The following TNR variants were observed in gnomAD, a reference collection of about 807,000 sequenced individuals.
TNR encodes the protein tenascin-R.
A neutral mutation model predicts 150.4 loss-of-function variants in TNR; 45 were observed. The ratio of observed to expected loss-of-function variants is 0.30; its 90% CI spans 0.24 to 0.38. The LOEUF is 0.38. Among genes scored for constraint, TNR ranks in the 10% least tolerant of loss-of-function variants. The pLI is 1.00. For missense variants in TNR, 1,544 were observed against 1,759.1 expected, an observed-to-expected ratio of 0.88 and a Z score of 2.19; for synonymous variants, 687 against 678.4, an observed-to-expected ratio of 1.01 and a Z score of -0.20.
In TNR at chr1:175,356,427, C is replaced by T. The variant is rs761508521; in HGVS notation, c.3010G>A (p.Glu1004Lys). 1.2e-6 allele frequency: 2 copies of T among 1,613,978 alleles called. No homozygotes were observed. Among genetic ancestry groups the T allele is most frequent in the Non-Finnish European group, 1.7e-6 (2 of 1,179,904 alleles). ...AGCAGGTCAACAAGCCGAAATTCCT[C>T]ACTGACTCCGTCAACAAGGATGGTC... ...GETILVDGVS[E>K]EFRLVDLLPS... Residue 1004 changes from glutamate (E) to lysine (K), a missense_variant, in exon 16 of 23, where the codon GAG becomes AAG. By Grantham distance (56) the Glu-to-Lys change is moderately conservative. Coordinates refer to ENST00000367674, the MANE Select transcript of TNR (RefSeq NM_003285.3).
chr1:175,331,054 T>TTTCTTTCTTTCTTTCCTTCCTTCCTTCC (rs1491493317), intron 20 of TNR, among the ~76,000 whole-genome samples: 1 of 105,728 alleles, frequency 9.5e-6, no homozygotes, highest in African/African-American at 3.9e-5. Context: ...TCTTTCTTTC[T>TTTCTTTCTTTCTTTCCTTCCTTCCTTCC]TTCTTTCTTT....
intron 1 of TNR, among the ~76,000 whole-genome samples, chr1:175,656,119 G>A (rs1665164414): frequency 6.6e-6 from 1 of 151,494 alleles, no homozygotes; most frequent in African/African-American, 2.4e-5. Context: ...TCCTTACAGG[G>A]GAAGACGGGG....
intron 20 of TNR, among the ~76,000 whole-genome samples, chr1:175,332,775 C>T (rs938822048): frequency 6.6e-6 from 1 of 152,180 alleles, no homozygotes; most frequent in African/African-American, 2.4e-5. Context: ...ACTCATCCCT[C>T]AATGCCTTCT....
chr1:175,524,745 G>C (rs1659785909), intron 2 of TNR, among the ~76,000 whole-genome samples: 1 of 152,216 alleles, frequency 6.6e-6, no homozygotes. Context: ...ACTGCCAGTT[G>C]ATGCATCCAA....
chr1:175,331,162 T>TTCCTTCCTTCCTTCC (rs1649883236), intron 20 of TNR, among the ~76,000 whole-genome samples: 13 of 70,910 alleles, frequency 1.8e-4, no homozygotes, highest in African/African-American at 5.0e-4. Flanking sequence ...TTTCTTTTTC[T>TTCCTTCCTTCCTTCC]TTCCTTCCTT....
intron 2 of TNR, among the ~76,000 whole-genome samples, chr1:175,436,716 G>T (rs1376814630): frequency 6.6e-6 from 1 of 152,152 alleles, no homozygotes; most frequent in Non-Finnish European, 1.5e-5. Context: ...CCAAAAAAAG[G>T]CAGGGGTTGC....
intron 9 of TNR, among the ~76,000 whole-genome samples, chr1:175,372,952 C>T (rs747708890): frequency 3.9e-5 from 6 of 152,222 alleles, no homozygotes; most frequent in Non-Finnish European, 7.4e-5. Context: ...AGTCAATCTG[C>T]GATTTTTATA....
intron 2 of TNR, among the ~76,000 whole-genome samples, chr1:175,516,438 G>A (rs1659409155): frequency 6.6e-6 from 1 of 152,214 alleles, no homozygotes; most frequent in Admixed American, 6.5e-5. Flanking sequence ...CTGGAAAAAT[G>A]AGGAATGGTT....
At chr1:175,645,556 C>T (rs1664787594) in intron 1 of TNR, among the ~76,000 whole-genome samples, 2 of 152,152 alleles carry the variant, frequency 1.3e-5, no homozygotes, top group Admixed American at 1.3e-4. Flanking sequence ...ATATCTTCCA[C>T]AACAGTTTTT....
At chr1:175,701,707 G>A (rs1666700181) in intron 1 of TNR, among the ~76,000 whole-genome samples, 1 of 152,200 alleles carries the variant, frequency 6.6e-6, no homozygotes, top group South Asian at 2.1e-4. Flanking sequence ...TGTTGATTAA[G>A]AAGAAATTCC....
intron 1 of TNR, among the ~76,000 whole-genome samples, chr1:175,535,198 T>C (rs1386110636): frequency 6.6e-6 from 1 of 152,096 alleles, no homozygotes; most frequent in Non-Finnish European, 1.5e-5. Context: ...GTGCTTAGAG[T>C]TGGCTCCTTG....
At chr1:175,687,180 C>T (rs770007252) in intron 1 of TNR, among the ~76,000 whole-genome samples, 14 of 152,120 alleles carry the variant, frequency 9.2e-5, no homozygotes, top group Non-Finnish European at 1.6e-4. Flanking sequence ...CCTCCCTCTC[C>T]TCTCCACTGG....
At chr1:175,585,775 C>G (rs1340822260) in intron 1 of TNR, among the ~76,000 whole-genome samples, 2 of 152,188 alleles carry the variant, frequency 1.3e-5, no homozygotes, top group African/African-American at 4.8e-5. Context: ...TTCCTTCCTT[C>G]TCTCTTTCTC....
chr1:175,332,482 G>C (rs1571303282), intron 20 of TNR, among the ~76,000 whole-genome samples: 1 of 152,152 alleles, frequency 6.6e-6, no homozygotes, highest in African/African-American at 2.4e-5. Context: ...TAAACTATGG[G>C]TCACAGTGTT....
At chr1:175,698,809 A>G (rs971880571) in intron 1 of TNR, among the ~76,000 whole-genome samples, 2 of 150,712 alleles carry the variant, frequency 1.3e-5, no homozygotes, top group Admixed American at 1.3e-4. Context: ...CAATAAAAGT[A>G]AGACTCTGTC....
In TNR at chr1:175,705,698, T is replaced by C. The variant is rs548569100; in HGVS notation, c.-165+37528A>G. Among the ~76,000 whole-genome samples the C allele has an allele frequency of 3.3e-5, 5 of 152,280 alleles. No individual in the cohort carries two copies. In the East Asian group the frequency reaches 9.6e-4, roughly 29 times the overall value. ...TCCATACCAGATGCCATGGATCCCA[T>C]GTGTCTTGATTTCAGCAAGACTTTT... On this transcript the variant is annotated intron_variant, in intron 1 of 22. Transcript: ENST00000367674.
intron 2 of TNR, among the ~76,000 whole-genome samples, chr1:175,521,452 C>T (rs571540138): frequency 7.2e-5 from 11 of 152,174 alleles, no homozygotes; most frequent in Non-Finnish European, 1.3e-4. Flanking sequence ...CAACAAAACC[C>T]GACTGGCTCT....
chr1:175,630,176 G>A (rs953595469), intron 1 of TNR, among the ~76,000 whole-genome samples: 1 of 152,204 alleles, frequency 6.6e-6, no homozygotes, highest in Admixed American at 6.5e-5. Flanking sequence ...TATCAAGAGC[G>A]ATAGGTTACT....
Position 175,688,400 on chromosome 1 carries a change from G to A in TNR, c.-165+54826C>T, listed in dbSNP as rs575285510. On this transcript the variant is annotated intron_variant, in intron 1 of 22. Coordinates refer to ENST00000367674, the MANE Select transcript of TNR (RefSeq NM_003285.3). Reference sequence around the variant, plus strand: ...GTGATGAGGCTTGCTATTCCGTTTTGTTGTGACTGCCCAGGAAATCTCTCT... The same window carrying A: ...GTGATGAGGCTTGCTATTCCGTTTTATTGTGACTGCCCAGGAAATCTCTCT... Among the ~76,000 whole-genome samples, 6 of 152,338 alleles carry A rather than the reference G, an allele frequency of 3.9e-5. No homozygotes were observed. In the South Asian group the frequency reaches 1.2e-3, roughly 32 times the overall value.
Sources: gnomAD v4.1 joint callset for allele counts (sites outside exome capture counted in the v4.1 genomes callset) on GRCh38, gnomAD v4.1.1 for gene constraint, MANE v1.5 for transcripts, NCBI Gene and HGNC (gene_info 2026-07-23, HGNC 2026-07-21) for gene names.